SPOCK1: variants seen among roughly 807,000 people sequenced by gnomAD.
SPOCK1 encodes the protein testican-1.
SPOCK1 carries 23 observed loss-of-function variants against 55.3 expected under a neutral mutation model. The ratio of observed to expected loss-of-function variants is 0.42; its 90% CI spans 0.30 to 0.59. The LOEUF (loss-of-function observed/expected upper bound fraction) is 0.59. Among genes scored for constraint, SPOCK1 ranks in the 20% least tolerant of loss-of-function variants. The pLI, the probability that SPOCK1 is intolerant of heterozygous loss-of-function variation, is 0.22. For missense variants in SPOCK1, 499 were observed against 552.5 expected, an observed-to-expected ratio of 0.90 and a Z score of 0.97; for synonymous variants, 226 against 221.0, an observed-to-expected ratio of 1.02 and a Z score of -0.20.
At chr5:137,170,604 TC>T (rs1754738277) in intron 3 of SPOCK1, among the ~76,000 whole-genome samples, 7 of 151,144 alleles carry the variant, frequency 4.6e-5, no homozygotes, top group Admixed American at 1.3e-4. Flanking sequence ...TCTCTCTCTC[TC>T]TCTCTCTCTC....
chr5:137,337,699 T>C (rs1750313154), intron 2 of SPOCK1, among the ~76,000 whole-genome samples: 1 of 152,244 alleles, frequency 6.6e-6, no homozygotes, highest in Non-Finnish European at 1.5e-5. Flanking sequence ...ACAGCACGTA[T>C]ACAAGTGTAT....
intron 5 of SPOCK1, among the ~76,000 whole-genome samples, chr5:137,100,928 C>T (rs370025502): frequency 6.6e-6 from 1 of 151,998 alleles, no homozygotes; most frequent in Non-Finnish European, 1.5e-5. Context: ...TCATTAAAGC[C>T]CATTTCCTTC....
At position 137,379,408 on chromosome 5, in the gene SPOCK1, G is replaced by GA. The variant is rs371907319; in HGVS notation, c.187-112354dup. On this transcript the variant is annotated intron_variant, in intron 2 of 10. Coordinates refer to ENST00000394945, the MANE Select transcript of SPOCK1 (RefSeq NM_004598.4). ...TATACAGATTTATTTTTACCGAAAA[G>GA]AAAAAAAAGTCCTGGGTAATATGCG... Among the ~76,000 whole-genome samples the GA allele has an allele frequency of 4.6e-3, 699 of 151,842 alleles. 9 individuals are homozygous for GA. Among genetic ancestry groups the GA allele is most frequent in the African/African-American group, 0.016 (665 of 41,414 alleles).
intron 2 of SPOCK1, among the ~76,000 whole-genome samples, chr5:137,485,475 G>A (rs1026664912): frequency 4.6e-5 from 7 of 152,120 alleles, no homozygotes; most frequent in Admixed American, 3.9e-4. Flanking sequence ...AAGAGTAATT[G>A]GCACAACCAC....
chr5:137,111,613 C>T (rs973457046), intron 5 of SPOCK1, among the ~76,000 whole-genome samples: 1 of 152,116 alleles, frequency 6.6e-6, no homozygotes, highest in African/African-American at 2.4e-5. Flanking sequence ...CCTGGTGAAA[C>T]GTACCCATTC....
In SPOCK1 at chr5:137,228,486, CA is replaced by C. The variant is rs558444797; in HGVS notation, c.232+38523del. On this transcript the variant is annotated intron_variant, in intron 3 of 10. Transcript: ENST00000394945. ...TGAAACTCCATCTCTACTAAAAATA[CA>C]AAAAATTTAGCTGGGTGTGGTGGTG... is the stretch of plus-strand genomic sequence containing the variant. Among the ~76,000 whole-genome samples the C allele has an allele frequency of 2.1e-3, 313 of 152,186 alleles. 1 individual carries two copies. The highest frequency in any genetic ancestry group is 3.4e-3 in the Non-Finnish European group (230 of 67,996).
intron 2 of SPOCK1, among the ~76,000 whole-genome samples, chr5:137,423,787 G>T (rs1211106119): frequency 6.6e-6 from 1 of 152,150 alleles, no homozygotes; most frequent in Non-Finnish European, 1.5e-5. Flanking sequence ...TGCACCCACT[G>T]TCCTGCACCC....
intron 2 of SPOCK1, among the ~76,000 whole-genome samples, chr5:137,269,688 A>G (rs1415629428): frequency 6.6e-6 from 1 of 152,236 alleles, no homozygotes; most frequent in Non-Finnish European, 1.5e-5. Context: ...GGTGAGGCAC[A>G]GTCAAAACTC....
At chr5:137,178,904 T>C (rs1052030635) in intron 3 of SPOCK1, among the ~76,000 whole-genome samples, 1 of 152,190 alleles carries the variant, frequency 6.6e-6, no homozygotes, top group Non-Finnish European at 1.5e-5. Context: ...ATAACCTTAA[T>C]AAATGGCTAA....
intron 2 of SPOCK1, among the ~76,000 whole-genome samples, chr5:137,435,105 A>C (rs1409570939): frequency 6.6e-6 from 1 of 152,208 alleles, no homozygotes; most frequent in Admixed American, 6.5e-5. Context: ...ATAATCTTAC[A>C]TCTTGTTCTA....
intron 3 of SPOCK1, among the ~76,000 whole-genome samples, chr5:137,146,296 A>AGCC (rs200233161): frequency 1.3e-5 from 2 of 151,690 alleles, no homozygotes; most frequent in East Asian, 3.9e-4. Context: ...GAGGCACAAG[A>AGCC]TACCTGTTGA....
intron 3 of SPOCK1, among the ~76,000 whole-genome samples, chr5:137,240,891 A>C (rs929370558): frequency 4.6e-5 from 7 of 152,232 alleles, no homozygotes; most frequent in African/African-American, 1.7e-4. Context: ...ATCTAAATAC[A>C]AAGTCCAGAA....
intron 3 of SPOCK1, among the ~76,000 whole-genome samples, chr5:137,187,868 G>A (rs543841343): frequency 3.3e-4 from 50 of 152,308 alleles, no homozygotes; most frequent in African/African-American, 1.1e-3. Flanking sequence ...ACCAGTAGTG[G>A]TGTTCTGACA....
At chr5:137,052,836 T>C (rs1289281414) in intron 6 of SPOCK1, among the ~76,000 whole-genome samples, 1 of 152,168 alleles carries the variant, frequency 6.6e-6, no homozygotes, top group Non-Finnish European at 1.5e-5. Context: ...ATTCTTTGTA[T>C]TTTGCAGTAT....
chr5:137,320,688 A>G (rs903115188), intron 2 of SPOCK1, among the ~76,000 whole-genome samples: 3 of 152,250 alleles, frequency 2.0e-5, no homozygotes, highest in Non-Finnish European at 1.5e-5. Context: ...ATGGGAAATT[A>G]CACACACAAG....
chr5:137,350,562 T>A (rs530060560), intron 2 of SPOCK1, among the ~76,000 whole-genome samples: 1 of 151,984 alleles, frequency 6.6e-6, no homozygotes, highest in South Asian at 2.1e-4. Context: ...GCAGGGGAAA[T>A]GTCTAGAAGG....
At chr5:137,130,229 CCTT>C (rs756932095) in intron 4 of SPOCK1, among the ~76,000 whole-genome samples, 8 of 152,194 alleles carry the variant, frequency 5.3e-5, no homozygotes, top group Non-Finnish European at 1.2e-4. Context: ...CCACTCTTAT[CCTT>C]CTTAATCTTA....
At chr5:137,129,400 AG>A (rs1490462537) in intron 4 of SPOCK1, among the ~76,000 whole-genome samples, 1 of 152,216 alleles carries the variant, frequency 6.6e-6, no homozygotes, top group African/African-American at 2.4e-5. Flanking sequence ...GTGATATTAT[AG>A]TAGAAAAAGA....
At chr5:137,205,372 G>A (rs1338828485) in intron 3 of SPOCK1, among the ~76,000 whole-genome samples, 2 of 152,226 alleles carry the variant, frequency 1.3e-5, no homozygotes, top group Admixed American at 1.3e-4. Flanking sequence ...GTGCCCTGTG[G>A]GTAGTGAGTT....
Sources: gnomAD v4.1 joint callset for allele counts (sites outside exome capture counted in the v4.1 genomes callset) on GRCh38, gnomAD v4.1.1 for gene constraint, MANE v1.5 for transcripts, NCBI Gene and HGNC (gene_info 2026-07-23, HGNC 2026-07-21) for gene names.